CDC42BPA: variants seen among roughly 807,000 people sequenced by gnomAD.
CDC42BPA encodes serine/threonine-protein kinase MRCK alpha.
CDC42BPA carries 80 observed loss-of-function variants against 223.5 expected under a neutral mutation model. The ratio of observed to expected loss-of-function variants is 0.36; its 90% CI spans 0.30 to 0.43. The LOEUF (loss-of-function observed/expected upper bound fraction) is 0.43. CDC42BPA is among the 20% of genes least tolerant of loss of function. The probability of loss-of-function intolerance (pLI) is 1.00; values close to 1 mark genes in which losing one functional copy is unlikely to be tolerated. For missense variants in CDC42BPA, 1,743 were observed against 2,099.9 expected, an observed-to-expected ratio of 0.83 and a Z score of 3.32; for synonymous variants, 694 against 718.6, an observed-to-expected ratio of 0.97 and a Z score of 0.55.
chr1:227,036,492 A>T (rs1044305483), intron 24 of CDC42BPA, among the ~76,000 whole-genome samples: 1 of 145,338 alleles, frequency 6.9e-6, no homozygotes, highest in Non-Finnish European at 1.5e-5. Context: ...GCGGTGGTGC[A>T]ATCTCGGCTC....
intron 2 of CDC42BPA, among the ~76,000 whole-genome samples, chr1:227,228,877 G>A (rs948836761): frequency 6.6e-6 from 1 of 152,098 alleles, no homozygotes; most frequent in Non-Finnish European, 1.5e-5. Flanking sequence ...ATTAGGTTGT[G>A]CTTTTATTGC....
At chr1:227,211,106 G>T (rs1199095656) in intron 3 of CDC42BPA, among the ~76,000 whole-genome samples, 1 of 152,078 alleles carries the variant, frequency 6.6e-6, no homozygotes, top group Non-Finnish European at 1.5e-5. Flanking sequence ...TTTACTCCTT[G>T]AGAAATCCAA....
intron 17 of CDC42BPA, 80 bp from the exon 18 acceptor site, chr1:227,074,444 G>T: frequency 2.0e-6 from 2 of 986,758 alleles, no homozygotes; most frequent in Non-Finnish European, 3.1e-6. Flanking sequence ...GCTTCCTAAA[G>T]AAATAAGTGG....
intron 21 of CDC42BPA, among the ~76,000 whole-genome samples, chr1:227,061,737 T>C (rs1675956992): frequency 6.6e-6 from 1 of 152,214 alleles, no homozygotes; most frequent in African/African-American, 2.4e-5. Context: ...AACCACATAC[T>C]TCTCAACGAT....
At chr1:227,142,360 T>C (rs1037702915) in intron 9 of CDC42BPA, among the ~76,000 whole-genome samples, 1 of 152,180 alleles carries the variant, frequency 6.6e-6, no homozygotes, top group Non-Finnish European at 1.5e-5. Context: ...GCTTGACATC[T>C]AGAGAATATT....
intron 6 of CDC42BPA, among the ~76,000 whole-genome samples, chr1:227,159,893 G>A (rs1432377595): frequency 6.6e-6 from 1 of 151,904 alleles, no homozygotes; most frequent in Non-Finnish European, 1.5e-5. Flanking sequence ...GCCCAGGCTG[G>A]AGTGCAGTGG....
chr1:227,021,210 C>CA (rs1667309213), intron 32 of CDC42BPA, among the ~76,000 whole-genome samples: 1 of 152,102 alleles, frequency 6.6e-6, no homozygotes, highest in African/African-American at 2.4e-5. Context: ...ATGAAGTCAA[C>CA]ACGCGCTGTT....
intron 16 of CDC42BPA, among the ~76,000 whole-genome samples, chr1:227,081,320 C>G (rs1465275064): frequency 6.7e-6 from 1 of 150,258 alleles, no homozygotes; most frequent in Non-Finnish European, 1.5e-5. Context: ...GTCATTTTTT[C>G]TTTAAAATAG....
intron 4 of CDC42BPA, among the ~76,000 whole-genome samples, chr1:227,194,429 T>C (rs1403170032): frequency 6.6e-6 from 1 of 152,212 alleles, no homozygotes; most frequent in Non-Finnish European, 1.5e-5. Context: ...GATCAGCATT[T>C]AGAAACCACT....
At chr1:227,298,253 C>T (rs970063209) in intron 1 of CDC42BPA, among the ~76,000 whole-genome samples, 2 of 151,516 alleles carry the variant, frequency 1.3e-5, no homozygotes, top group East Asian at 3.9e-4. Context: ...TAAAGCACAT[C>T]CAAGAAATAT....
chr1:227,072,231 G>C lies in CDC42BPA; in HGVS notation c.2804C>G (p.Thr935Ser). 6.2e-7 allele frequency: 1 copy of C among 1,605,400 alleles called. No individual in the cohort carries two copies. Among genetic ancestry groups the C allele is most frequent in the Non-Finnish European group, 8.5e-7 (1 of 1,172,918 alleles). Residue 935 changes from threonine to serine, a missense_variant, in exon 20 of 37, where the codon ACT becomes AGT. By Grantham distance (58) the Thr-to-Ser change is moderately conservative (BLOSUM62 1). This residue lies in a region of CDC42BPA where 678 missense variants were observed against 777.5 expected (regional missense o/e 0.87). Coordinates refer to ENST00000366766, the MANE Select transcript of CDC42BPA (RefSeq NM_001394014.1). ...ACCCTTTTCAGATCTAAGCTCTTCA[G>C]TGTCCTTTATCAGCTGTTCGATTTC... Reference protein sequence around the residue: ...LSEIEQLIKDTEELRSEKGIE... With the variant: ...LSEIEQLIKDSEELRSEKGIE...
rs1164705271 is a variant in CDC42BPA at position 227,147,440 on chromosome 1, A to G, written c.813T>C (p.Cys271=). ...TTTCTCCGTAAAGCATTTCATACAT[A>G]CAGACCCCCAAAGACCACCAGTCAC... ...PECDWWSLGV[C]MYEMLYGETP... The change falls in exon 7 of 37, where the codon TGT becomes TGC. Residue 271 remains cysteine (C), a synonymous_variant. Transcript: ENST00000366766. 1.2e-6 allele frequency: 2 copies of G among 1,613,472 alleles called. No individual in the cohort carries two copies. Among genetic ancestry groups the G allele is most frequent in the African/African-American group, 2.7e-5 (2 of 74,892 alleles).
At chr1:227,312,752 C>G (rs1271499956) in intron 1 of CDC42BPA, among the ~76,000 whole-genome samples, 1 of 151,954 alleles carries the variant, frequency 6.6e-6, no homozygotes, top group African/African-American at 2.4e-5. Context: ...GGAGGAGGGA[C>G]CTGGCGGGAG....
At chr1:227,252,810 G>C (rs1196532371) in intron 2 of CDC42BPA, among the ~76,000 whole-genome samples, 3 of 152,166 alleles carry the variant, frequency 2.0e-5, no homozygotes, top group African/African-American at 7.2e-5. Context: ...AAAAGATGCA[G>C]ATAAAGTATT....
chr1:227,060,022 T>TA lies in CDC42BPA; in HGVS notation c.2905-8038_2905-8037insT, dbSNP rs1364960865. Among the ~76,000 whole-genome samples, 153 of 74,074 alleles carry TA rather than the reference T, an allele frequency of 2.1e-3. 2 individuals are homozygous for TA. The highest frequency in any genetic ancestry group is 7.7e-3 in the African/African-American group (140 of 18,286). The allele number at this position is 74,074 out of a possible 152,430, so 48.6% of individuals were successfully genotyped here. A position where few individuals can be genotyped will look rare whatever the true frequency, so the allele number is the denominator to read the frequency against. ...AAAAGGAACAATTATCTCAAAAAGT[T>TA]TTTTTTTGTTTTTTTTTTTTTTTTT... On this transcript the variant is annotated intron_variant, in intron 21 of 36. Transcript: ENST00000366766.
intron 1 of CDC42BPA, among the ~76,000 whole-genome samples, chr1:227,265,698 A>T (rs1378732162): frequency 6.6e-6 from 1 of 152,158 alleles, no homozygotes; most frequent in Non-Finnish European, 1.5e-5. Context: ...ATCTATTTGA[A>T]CTTGGGTATA....
intron 1 of CDC42BPA, among the ~76,000 whole-genome samples, chr1:227,316,745 T>G (rs1694467878): frequency 6.6e-6 from 1 of 152,230 alleles, no homozygotes. Context: ...AATCTCTTAC[T>G]GTTGACCTAA....
intron 14 of CDC42BPA, among the ~76,000 whole-genome samples, chr1:227,106,700 T>C (rs1685997022): frequency 6.6e-6 from 1 of 152,214 alleles, no homozygotes; most frequent in South Asian, 2.1e-4. Context: ...TAGTTGTAGC[T>C]GTAAGATTTC....
At chr1:227,124,375 A>C (rs567177691) in intron 11 of CDC42BPA, among the ~76,000 whole-genome samples, 1 of 152,270 alleles carries the variant, frequency 6.6e-6, no homozygotes, top group Non-Finnish European at 1.5e-5. Flanking sequence ...GACAGATTGA[A>C]GGTATTTTTT....
Sources: gnomAD v4.1 joint callset for allele counts (sites outside exome capture counted in the v4.1 genomes callset) on GRCh38, gnomAD v4.1.1 for gene constraint, gnomAD v4.1.1 regional missense constraint, MANE v1.5 for transcripts, NCBI Gene and HGNC (gene_info 2026-07-23, HGNC 2026-07-21) for gene names.